Variants in CACNA1A observed in about 807,000 individuals in gnomAD.
The protein encoded by CACNA1A is calcium voltage-gated channel subunit alpha1 A, also known as voltage-dependent P/Q-type calcium channel subunit alpha-1A.
CACNA1A carries 57 observed loss-of-function variants against 262.4 expected under a neutral mutation model. That is an observed-to-expected ratio of 0.22 (90% CI 0.18 to 0.27). CACNA1A has a LOEUF of 0.27. Among genes scored for constraint, CACNA1A ranks in the 10% least tolerant of loss-of-function variants. The pLI is 1.00. For missense variants in CACNA1A, 2,526 were observed against 3,562.8 expected, an observed-to-expected ratio of 0.71 and a Z score of 7.41; for synonymous variants, 1,431 against 1,419.3, an observed-to-expected ratio of 1.01 and a Z score of -0.18.
At chr19:13,219,161 C>T (rs1389027858) in intron 38 of CACNA1A, among the ~76,000 whole-genome samples, 1 of 151,468 alleles carries the variant, frequency 6.6e-6, no homozygotes, top group African/African-American at 2.4e-5. Context: ...CCTACCTTAG[C>T]CTTCCAAGTA....
At chr19:13,416,873 T>C (rs2060231430) in intron 3 of CACNA1A, among the ~76,000 whole-genome samples, 1 of 152,004 alleles carries the variant, frequency 6.6e-6, no homozygotes, top group African/African-American at 2.4e-5. Context: ...GGTATGGTGG[T>C]GCATGCCTGT....
chr19:13,282,637 T>C (rs1387205045), intron 22 of CACNA1A, among the ~76,000 whole-genome samples: 4 of 151,388 alleles, frequency 2.6e-5, no homozygotes, highest in Non-Finnish European at 5.9e-5. Context: ...CTTACCACTC[T>C]CTCATTCCCC....
chr19:13,236,703 G>T lies in CACNA1A; in HGVS notation c.4951-973C>A, dbSNP rs1400947839. On this transcript the variant is annotated intron_variant, in intron 31 of 46. Transcript: ENST00000360228. The surrounding 1 kb of genome is among the most constrained non-coding windows in gnomAD (Gnocchi z 4.6). ...GCCCACCAAGGGGCGGGTGCTGGGGGCCGGGAGGTGGGGCCATCCCTGCCC... is the reference window on the plus strand; with the variant it reads ...GCCCACCAAGGGGCGGGTGCTGGGGTCCGGGAGGTGGGGCCATCCCTGCCC... 6.6e-6 allele frequency: 1 copy of T among 152,504 alleles called. No individual in the cohort carries two copies. The highest frequency in any genetic ancestry group is 1.9e-4 in the East Asian group (1 of 5,164). 9.4% of individuals were successfully genotyped at this position (152,504 alleles called of 1,614,324 possible). A position where few individuals can be genotyped will look rare whatever the true frequency, so the allele number is the denominator to read the frequency against.
chr19:13,352,018 T>C (rs373655432), intron 6 of CACNA1A, among the ~76,000 whole-genome samples: 1 of 152,152 alleles, frequency 6.6e-6, no homozygotes, highest in East Asian at 1.9e-4. Context: ...TTATGTAAGA[T>C]AAGGACACCT....
chr19:13,491,106 A>C (rs536522758), intron 1 of CACNA1A, among the ~76,000 whole-genome samples: 1 of 152,178 alleles, frequency 6.6e-6, no homozygotes, highest in African/African-American at 2.4e-5. Context: ...TCGCACACCA[A>C]CCTCTCTGGA....
intron 11 of CACNA1A, 140 bp downstream of exon 11, chr19:13,316,972 A>C: frequency 3.4e-6 from 2 of 596,440 alleles, no homozygotes; most frequent in East Asian, 2.8e-5. Context: ...CCCCAGTGAC[A>C]GTTATAGAAA....
chr19:13,233,631 G>A (rs1404242685), intron 34 of CACNA1A, among the ~76,000 whole-genome samples: 2 of 152,120 alleles, frequency 1.3e-5, no homozygotes, highest in Admixed American at 6.6e-5. Context: ...GGGACTACAG[G>A]TGTGTGGCAC....
intron 3 of CACNA1A, among the ~76,000 whole-genome samples, chr19:13,418,601 G>T (rs977164483): frequency 2.0e-5 from 3 of 152,076 alleles, no homozygotes; most frequent in Non-Finnish European, 4.4e-5. Flanking sequence ...AGAGGAGAAC[G>T]CCCTGTCACC....
chr19:13,350,540 C>A (rs2058887771), intron 6 of CACNA1A, among the ~76,000 whole-genome samples: 1 of 152,214 alleles, frequency 6.6e-6, no homozygotes, highest in South Asian at 2.1e-4. Context: ...ACCGCAGAAT[C>A]AGTGACCCCC....
intron 9 of CACNA1A, among the ~76,000 whole-genome samples, 152 bp downstream of exon 9, chr19:13,332,717 A>C (rs535389516): frequency 5.3e-5 from 8 of 152,046 alleles, no homozygotes; most frequent in Non-Finnish European, 1.2e-4. Flanking sequence ...AGAATAGGGA[A>C]ACTCTGCATG....
At chr19:13,462,792 C>T (rs1335453990) in intron 1 of CACNA1A, among the ~76,000 whole-genome samples, 4 of 152,138 alleles carry the variant, frequency 2.6e-5, no homozygotes, top group African/African-American at 9.7e-5. Flanking sequence ...TAGGGTCTTG[C>T]TCTGTTGCCC....
At chr19:13,435,769 T>C (rs1469536454) in intron 3 of CACNA1A, among the ~76,000 whole-genome samples, 3 of 152,180 alleles carry the variant, frequency 2.0e-5, no homozygotes, top group African/African-American at 7.2e-5. Flanking sequence ...CAGCTCCTTA[T>C]TACAGAGCTT....
At chr19:13,471,033 T>C (rs917289883) in intron 1 of CACNA1A, among the ~76,000 whole-genome samples, 2 of 152,204 alleles carry the variant, frequency 1.3e-5, no homozygotes, top group African/African-American at 4.8e-5. Flanking sequence ...CTTCCTTGCC[T>C]CTTCCCGCTT....
At chr19:13,409,819 T>C (rs1251045022) in intron 3 of CACNA1A, among the ~76,000 whole-genome samples, 3 of 152,168 alleles carry the variant, frequency 2.0e-5, no homozygotes, top group East Asian at 3.9e-4. Context: ...CCTCCCACCT[T>C]GGCTTCCCAA....
In CACNA1A at chr19:13,348,007, A is replaced by G. The variant is rs560146878; in HGVS notation, c.978+11599T>C. Among the ~76,000 whole-genome samples the G allele has an allele frequency of 3.3e-5, 5 of 152,204 alleles. No homozygotes were observed. In the East Asian group the frequency reaches 5.8e-4, roughly 18 times the overall value. On this transcript the variant is annotated intron_variant, in intron 6 of 46. Transcript: ENST00000360228. Reference sequence around the variant, plus strand: ...GTAATCACAGCTCGGTGCAGCTTCAAACCCTTGGGCTCAGGCAATCCTCCT... The same window carrying G: ...GTAATCACAGCTCGGTGCAGCTTCAGACCCTTGGGCTCAGGCAATCCTCCT...
In CACNA1A at chr19:13,216,725, T is replaced by TA. The variant is rs199974414; in HGVS notation, c.5732-2118dup. On this transcript the variant is annotated intron_variant, in intron 38 of 46. Transcript: ENST00000360228. ...ATCTATCTATCGATCGACAGGGACTTACTCTGTTGCCCAGGCTGTGGCACA... is the reference window on the plus strand; with the variant it reads ...ATCTATCTATCGATCGACAGGGACTTAACTCTGTTGCCCAGGCTGTGGCACA... Among the ~76,000 whole-genome samples the TA allele has an allele frequency of 5.6e-3, 848 of 151,898 alleles. 11 individuals carry two copies. Among genetic ancestry groups the TA allele is most frequent in the African/African-American group, 0.02 (816 of 41,370 alleles).
intron 11 of CACNA1A, among the ~76,000 whole-genome samples, chr19:13,314,896 A>G (rs1429878915): frequency 6.6e-6 from 1 of 152,184 alleles, no homozygotes; most frequent in African/African-American, 2.4e-5. Context: ...TCAGCAGAGG[A>G]AGTCTGTTTG....
In CACNA1A at chr19:13,212,392, T is replaced by G. The variant is rs974724726; in HGVS notation, c.6181A>C (p.Asn2061His). Residue 2061 changes from asparagine to histidine, a missense_variant, in exon 42 of 47, where the codon AAC becomes CAC. Physicochemically the swap from Asn to His is moderately conservative, Grantham distance 68. Coordinates refer to ENST00000360228, the MANE Select transcript of CACNA1A (RefSeq NM_001127222.2). The surrounding 1 kb of genome is among the most constrained non-coding windows in gnomAD (Gnocchi z 5.6). ...PPTDMPNSQP[N>H]SQSVEMREMG... ...TTGGGGGACAGAGGCACCTGAGAGT[T>G]AGGCTGGCTGTTGGGCATGTCGGTA... 1 of 1,613,636 alleles carries G rather than the reference T, an allele frequency of 6.2e-7. No individual in the cohort carries two copies. Among genetic ancestry groups the G allele is most frequent in the African/African-American group, 1.3e-5 (1 of 74,998 alleles).
At chr19:13,225,059 C>T in intron 37 of CACNA1A, 1 of 335,482 alleles carries the variant, frequency 3.0e-6, no homozygotes, top group Non-Finnish European at 5.6e-6. Flanking sequence ...ACCCTTGCCC[C>T]ACCCCCGCCC....
Sources: gnomAD v4.1 joint callset for allele counts (sites outside exome capture counted in the v4.1 genomes callset) on GRCh38, gnomAD v4.1.1 for gene constraint, Gnocchi (gnomAD v3.1) non-coding constraint, MANE v1.5 for transcripts, NCBI Gene and HGNC (gene_info 2026-07-23, HGNC 2026-07-21) for gene names.